Variants in EPAS1 observed in about 807,000 individuals in gnomAD.
EPAS1 encodes endothelial PAS domain protein 1.
Under a neutral mutation model 87.9 loss-of-function variants are expected in EPAS1, and 23 were observed. That is an observed-to-expected ratio of 0.26 (90% CI 0.19 to 0.37). The LOEUF is 0.37. Ranked by LOEUF, EPAS1 falls within the 10% of genes least tolerant of loss-of-function variation. EPAS1 has a pLI of 1.00. For synonymous variants in EPAS1, 508 were observed against 444.3 expected (o/e 1.14, Z -1.80); for missense variants, 1,138 against 1,120.7 (o/e 1.02, Z -0.22).
intron 15 of EPAS1, among the ~76,000 whole-genome samples, chr2:46,382,832 A>T (rs74976450): frequency 1.3e-5 from 2 of 152,022 alleles, no homozygotes; most frequent in Non-Finnish European, 2.9e-5. Context: ...AAAAAACTCA[A>T]ACTCAGGCTA....
chr2:46,366,062 TAAA>T (rs1299836392), intron 6 of EPAS1, among the ~76,000 whole-genome samples: 6 of 152,204 alleles, frequency 3.9e-5, no homozygotes, highest in Non-Finnish European at 7.4e-5. Flanking sequence ...GGAACAGGGG[TAAA>T]AACTGCAGCC....
intron 11 of EPAS1, chr2:46,379,685 G>C (rs943705728): frequency 3.9e-5 from 7 of 177,864 alleles, no homozygotes; most frequent in African/African-American, 1.2e-4. Flanking sequence ...GGGATGATCT[G>C]AGTATCTGCT....
chr2:46,317,585 A>G (rs1683368118), intron 1 of EPAS1, among the ~76,000 whole-genome samples: 2 of 152,214 alleles, frequency 1.3e-5, no homozygotes, highest in Admixed American at 1.3e-4. Context: ...AGAATGGTAA[A>G]TGATAAGTGG....
rs745690526 is a variant in EPAS1, at chr2:46,356,773, A to G, written c.419A>G (p.His140Arg). 2 of 1,614,042 alleles carry G rather than the reference A, an allele frequency of 1.2e-6. No individual in the cohort carries two copies. Among genetic ancestry groups the G allele is most frequent in the Non-Finnish European group, 8.5e-7 (1 of 1,179,902 alleles). Residue 140 changes from histidine to arginine, a missense_variant, in exon 4 of 16, where the codon CAT becomes CGT. Transcript: ENST00000263734. The stretch of plus-strand genomic sequence containing the variant: ...TTTGACTTCACTCATCCCTGCGACC[A>G]TGAGGAGATTCGTGAGAACCTGAGT... The part of the protein sequence containing the change: ...SIFDFTHPCD[H>R]EEIRENLSLK...
rs1684377056 is a variant in EPAS1, at chr2:46,361,094, G to A, written c.779+4G>A. On this transcript the variant is annotated splice_donor_region_variant and intron_variant, in intron 6 of 15. Transcript: ENST00000263734. ...AGTTCACCTACTGTGATGACAGGTA[G>A]GGGGCCATGGGTGTGTATGCTGTGG... 1 of 1,613,896 alleles carries A rather than the reference G, an allele frequency of 6.2e-7. No individual in the cohort carries two copies. The highest frequency in any genetic ancestry group is 1.3e-5 in the African/African-American group (1 of 74,922).
At position 46,382,002 on chromosome 2, in the gene EPAS1, C is replaced by T. The variant is rs771329028; in HGVS notation, c.2200C>T (p.His734Tyr). The part of the protein sequence containing the change: ...GGDPPGGSTS[H>Y]LMWKRMKNLR... ...GGACCCACCTGGTGGCAGCACCTCA[C>T]ATTTGATGTGGAAACGGATGAAGAA... The change falls in exon 14 of 16, where the codon CAT (histidine) becomes TAT (tyrosine). Residue 734 changes from histidine (H) to tyrosine (Y), a missense_variant. Around this residue, in one of 4 missense-constraint regions of EPAS1, gnomAD observed 502 missense variants for 427.1 expected, o/e 1.18. Transcript: ENST00000263734. 1 of 1,613,912 alleles carries T rather than the reference C, an allele frequency of 6.2e-7. No homozygotes were observed. Among genetic ancestry groups the T allele is most frequent in the South Asian group, 1.1e-5 (1 of 91,086 alleles).
chr2:46,375,913 G>A lies in EPAS1; in HGVS notation c.1034+76G>A, dbSNP rs1684735121. ...CAAGCTTCCCAGACTCAGGATGACA[G>A]GCCTAGGAGATGCCAGGCCTCTCAG... On this transcript the variant is annotated intron_variant, in intron 8 of 15. Transcript: ENST00000263734. This position sits in a 1 kb window ranked among gnomAD's most constrained non-coding sequence, Gnocchi z 4.1. 6.2e-7 allele frequency: 1 copy of A among 1,603,070 alleles called. No homozygotes were observed. Among genetic ancestry groups the A allele is most frequent in the African/African-American group, 1.3e-5 (1 of 74,710 alleles).
intron 6 of EPAS1, 102 bp from the exon 7 acceptor site, chr2:46,369,725 A>T (rs1684585048): frequency 1.3e-6 from 1 of 765,774 alleles, no homozygotes; most frequent in Admixed American, 2.0e-5. Context: ...GTTCATCTGC[A>T]TGTGTGTGTT....
At position 46,300,406 on chromosome 2, in the gene EPAS1, G is replaced by T. The variant is rs1439761590; in HGVS notation, c.26+2469G>T. On this transcript the variant is annotated intron_variant, in intron 1 of 15. Transcript: ENST00000263734. The surrounding 1 kb of genome is among the most constrained non-coding windows in gnomAD (Gnocchi z 4.1). ...ATTCGTTCTAACAATGGCCCGTCAA[G>T]AAGTGGGCAGATGATTTTGTCCCAG... Among the ~76,000 whole-genome samples the T allele has an allele frequency of 6.6e-6, 1 of 152,228 alleles. No individual in the cohort carries two copies. Among genetic ancestry groups the T allele is most frequent in the Non-Finnish European group, 1.5e-5 (1 of 68,034 alleles).
chr2:46,319,882 G>A (rs1304158378), intron 1 of EPAS1, among the ~76,000 whole-genome samples: 10 of 152,122 alleles, frequency 6.6e-5, no homozygotes, highest in Non-Finnish European at 1.5e-5. Flanking sequence ...CAGATTTCTT[G>A]TCTATGTGGG....
chr2:46,348,413 C>G (rs1003497907), intron 2 of EPAS1, among the ~76,000 whole-genome samples: 2 of 152,168 alleles, frequency 1.3e-5, no homozygotes, highest in African/African-American at 4.8e-5. Flanking sequence ...GTGTACCCCT[C>G]CCTTTAAAAA....
chr2:46,331,402 T>C (rs6758592), intron 1 of EPAS1, among the ~76,000 whole-genome samples: 64,419 of 152,120 alleles, frequency 0.42, 14,609 homozygotes, highest in East Asian at 0.67. Context: ...AGCCATACTT[T>C]TTACAAAAAT....
At chr2:46,341,436 C>T (rs566410545) in intron 1 of EPAS1, among the ~76,000 whole-genome samples, 410 of 152,326 alleles carry the variant, frequency 2.7e-3, no homozygotes, top group Non-Finnish European at 5.0e-3. Context: ...GGCCACCTAC[C>T]AGCATAAAGT....
At position 46,360,871 on chromosome 2, in the gene EPAS1, C is replaced by G. The variant is rs751654191; in HGVS notation, c.574-14C>G. The stretch of plus-strand genomic sequence containing the variant: ...CTCTCGGCTCCATGTCTGACCCTTC[C>G]ACGCCTGTCTCAGGTCTTGCACTGC... On this transcript the variant is annotated splice_polypyrimidine_tract_variant and intron_variant, in intron 5 of 15. Transcript: ENST00000263734. This position sits in a 1 kb window ranked among gnomAD's most constrained non-coding sequence, Gnocchi z 4.5. 24 of 1,613,996 alleles carry G rather than the reference C, an allele frequency of 1.5e-5. No individual in the cohort carries two copies. Among genetic ancestry groups the G allele is most frequent in the Non-Finnish European group, 1.7e-5 (20 of 1,180,022 alleles).
chr2:46,376,521 C>T lies in EPAS1; in HGVS notation c.1035-18C>T. On this transcript the variant is annotated intron_variant, in intron 8 of 15. Transcript: ENST00000263734. ...TAGAAAATGTGGAAAGTCTGAATGG[C>T]TCTTTCCCCCCCATTAGTGAGATTG... 1.9e-6 allele frequency: 3 copies of T among 1,611,704 alleles called. No homozygotes were observed. Among genetic ancestry groups the T allele is most frequent in the East Asian group, 2.2e-5 (1 of 44,884 alleles).
At chr2:46,325,437 G>T (rs114523140) in intron 1 of EPAS1, among the ~76,000 whole-genome samples, 483 of 152,316 alleles carry the variant, frequency 3.2e-3, no homozygotes, top group Non-Finnish European at 5.1e-3. Flanking sequence ...TTCATTCATG[G>T]TAAAAGCCCT....
intron 1 of EPAS1, among the ~76,000 whole-genome samples, chr2:46,339,683 T>G (rs1485666981): frequency 1.3e-5 from 2 of 152,202 alleles, no homozygotes; most frequent in African/African-American, 4.8e-5. Context: ...CTTAGCCCAT[T>G]TGGGCAGCTA....
rs1405646547 is a variant in EPAS1, at chr2:46,378,213, G to T, written c.1443+126G>T. ...GGTTATCACAGAGCCCCCTAGAGTG[G>T]CCGTGACACTTACCTACCAGGTATC... On this transcript the variant is annotated intron_variant, in intron 10 of 15. Transcript: ENST00000263734. 4.1e-6 allele frequency: 6 copies of T among 1,452,422 alleles called. No homozygotes were observed. The East Asian group carries it at 1.5e-4, about 36-fold the overall frequency. The allele number at this position is 1,452,422 out of a possible 1,614,324, so 90.0% of individuals were successfully genotyped here. A position where few individuals can be genotyped will look rare whatever the true frequency, so the allele number is the denominator to read the frequency against.
At chr2:46,378,969 C>T (rs1273162387) in intron 11 of EPAS1, among the ~76,000 whole-genome samples, 1 of 152,248 alleles carries the variant, frequency 6.6e-6, no homozygotes, top group African/African-American at 2.4e-5. Context: ...AAATCCAGCT[C>T]TTCCAGCATA....
Sources: gnomAD v4.1 joint callset for allele counts (sites outside exome capture counted in the v4.1 genomes callset) on GRCh38, gnomAD v4.1.1 for gene constraint, gnomAD v4.1.1 regional missense constraint, Gnocchi (gnomAD v3.1) non-coding constraint, MANE v1.5 for transcripts, NCBI Gene and HGNC (gene_info 2026-07-23, HGNC 2026-07-21) for gene names.